The following PDZRN3 variants were observed in gnomAD, a reference collection of about 807,000 sequenced individuals.
PDZRN3 encodes the protein PDZ domain containing ring finger 3, also known as E3 ubiquitin-protein ligase PDZRN3.
In PDZRN3, 38 loss-of-function variants were observed where a neutral mutation model predicts 85.7. That is an observed-to-expected ratio of 0.44 (90% CI 0.34 to 0.58). The LOEUF (loss-of-function observed/expected upper bound fraction) is 0.58. Among genes scored for constraint, PDZRN3 ranks in the 20% least tolerant of loss-of-function variants. The probability of loss-of-function intolerance (pLI) is 0.01; values close to 1 mark genes in which losing one functional copy is unlikely to be tolerated. For synonymous variants in PDZRN3, 759 were observed against 638.0 expected, an observed-to-expected ratio of 1.19 and a Z score of -2.86; for missense variants, 1,629 against 1,506.4, an observed-to-expected ratio of 1.08 and a Z score of -1.35.
intron 3 of PDZRN3, among the ~76,000 whole-genome samples, chr3:73,583,223 A>G (rs953033994): frequency 6.6e-6 from 1 of 152,236 alleles, no homozygotes; most frequent in African/African-American, 2.4e-5. Context: ...AGAAAATTTA[A>G]GGAACTAGCC....
chr3:73,472,137 C>A (rs1461403316), intron 3 of PDZRN3, among the ~76,000 whole-genome samples: 2 of 152,218 alleles, frequency 1.3e-5, no homozygotes, highest in African/African-American at 4.8e-5. Context: ...CAACACACAG[C>A]TCCTCTCTTT....
At chr3:73,485,535 T>G (rs1046034804) in intron 3 of PDZRN3, among the ~76,000 whole-genome samples, 1 of 152,174 alleles carries the variant, frequency 6.6e-6, no homozygotes, top group Non-Finnish European at 1.5e-5. Context: ...TTCTGGCAGC[T>G]TCAAAGTCAA....
intron 3 of PDZRN3, among the ~76,000 whole-genome samples, chr3:73,516,678 A>T (rs1247877327): frequency 6.6e-6 from 1 of 152,224 alleles, no homozygotes; most frequent in Non-Finnish European, 1.5e-5. Flanking sequence ...TAAAAAATAG[A>T]TTTAGATTCA....
At chr3:73,430,554 A>G (rs1275008965) in intron 3 of PDZRN3, among the ~76,000 whole-genome samples, 2 of 152,180 alleles carry the variant, frequency 1.3e-5, no homozygotes, top group Non-Finnish European at 2.9e-5. Flanking sequence ...GACCCTCCTC[A>G]AAGCATCCAC....
At chr3:73,475,961 C>T (rs770529977) in intron 3 of PDZRN3, among the ~76,000 whole-genome samples, 13 of 152,188 alleles carry the variant, frequency 8.5e-5, no homozygotes, top group Non-Finnish European at 1.5e-4. Flanking sequence ...GGCTGATAGG[C>T]TTTTGGTGGC....
At chr3:73,591,723 C>T (rs1211370918) in intron 3 of PDZRN3, among the ~76,000 whole-genome samples, 1 of 152,184 alleles carries the variant, frequency 6.6e-6, no homozygotes, top group Non-Finnish European at 1.5e-5. Context: ...CCACATTTTA[C>T]AGAAGAAAGC....
chr3:73,588,865 A>C (rs1702313766), intron 3 of PDZRN3, among the ~76,000 whole-genome samples: 1 of 152,218 alleles, frequency 6.6e-6, no homozygotes, highest in Admixed American at 6.5e-5. Context: ...CAAGTCTGAG[A>C]AACACTTGTT....
At chr3:73,423,977 T>C (rs1702255116) in intron 3 of PDZRN3, among the ~76,000 whole-genome samples, 2 of 152,142 alleles carry the variant, frequency 1.3e-5, no homozygotes, top group African/African-American at 4.8e-5. Context: ...GAGGAAGAGA[T>C]GGGCTTGTCT....
chr3:73,579,755 G>T (rs141508250), intron 3 of PDZRN3, among the ~76,000 whole-genome samples: 27 of 152,226 alleles, frequency 1.8e-4, no homozygotes, highest in African/African-American at 6.3e-4. Flanking sequence ...CAACTGAGAG[G>T]TTATTTTGTA....
intron 3 of PDZRN3, among the ~76,000 whole-genome samples, chr3:73,600,337 A>ACACACACACACACACTCTCTCTCT (rs34405662): frequency 5.0e-5 from 5 of 100,052 alleles, no homozygotes; most frequent in African/African-American, 2.1e-4. Context: ...ACACACACAC[A>ACACACACACACACACTCTCTCTCT]CTCTCTCTCT....
chr3:73,577,966 T>C (rs967829256), intron 3 of PDZRN3, among the ~76,000 whole-genome samples: 14 of 152,212 alleles, frequency 9.2e-5, no homozygotes, highest in African/African-American at 2.9e-4. Context: ...AGTTGAATGG[T>C]TGAAGCAAAC....
intron 1 of PDZRN3, among the ~76,000 whole-genome samples, chr3:73,615,226 T>G (rs1251930750): frequency 6.6e-6 from 1 of 152,210 alleles, no homozygotes; most frequent in Non-Finnish European, 1.5e-5. Context: ...AGTCTGCTAC[T>G]ATATTTACAC....
intron 3 of PDZRN3, among the ~76,000 whole-genome samples, chr3:73,523,453 C>CTA (rs141660921): frequency 0.15 from 23,090 of 150,994 alleles, 1,823 homozygotes; most frequent in South Asian, 0.25. Context: ...ATTGCAATAG[C>CTA]TATATATATA....
intron 8 of PDZRN3, among the ~76,000 whole-genome samples, 170 bp from the exon 9 acceptor site, chr3:73,385,955 C>T (rs895359711): frequency 6.6e-6 from 1 of 152,022 alleles, no homozygotes; most frequent in African/African-American, 2.4e-5. Flanking sequence ...ACTATCCAAC[C>T]CTTACATTAA....
intron 3 of PDZRN3, chr3:73,433,867 CTCTCTCCCCCCT>C: frequency 7.0e-7 from 1 of 1,433,904 alleles, no homozygotes; most frequent in Non-Finnish European, 9.1e-7. Context: ...TAGACAACAA[CTCTCTCCCCCCT>C]TCCACGCTTC....
chr3:73,393,555 C>T (rs1701572129), intron 5 of PDZRN3, among the ~76,000 whole-genome samples: 1 of 152,160 alleles, frequency 6.6e-6, no homozygotes, highest in African/African-American at 2.4e-5. Flanking sequence ...GTTACACAGT[C>T]ACACACAGTA....
intron 3 of PDZRN3, among the ~76,000 whole-genome samples, chr3:73,523,945 A>T (rs1704458693): frequency 6.6e-6 from 1 of 152,220 alleles, no homozygotes; most frequent in South Asian, 2.1e-4. Flanking sequence ...AGCATTCTGT[A>T]AAAGGAGTTC....
chr3:73,600,337 A>ACTCTCTCTCTCTCTCTCTCTCTCTCT (rs1553706426), intron 3 of PDZRN3, among the ~76,000 whole-genome samples: 1 of 100,052 alleles, frequency 1.0e-5, no homozygotes, highest in African/African-American at 4.3e-5. Context: ...ACACACACAC[A>ACTCTCTCTCTCTCTCTCTCTCTCTCT]CTCTCTCTCT....
At chr3:73,605,425 T>C (rs1384846817) in intron 2 of PDZRN3, among the ~76,000 whole-genome samples, 5 of 152,180 alleles carry the variant, frequency 3.3e-5, no homozygotes, top group African/African-American at 1.2e-4. Context: ...TCCCAAAGGC[T>C]TAAGTGAGAG....
Sources: gnomAD v4.1 joint callset for allele counts (sites outside exome capture counted in the v4.1 genomes callset) on GRCh38, gnomAD v4.1.1 for gene constraint, MANE v1.5 for transcripts, NCBI Gene and HGNC (gene_info 2026-07-23, HGNC 2026-07-21) for gene names.